TJP1: variants seen among roughly 807,000 people sequenced by gnomAD.
The protein encoded by TJP1 is tight junction protein 1.
A neutral mutation model predicts 194.2 loss-of-function variants in TJP1; 43 were observed. The ratio of observed to expected loss-of-function variants is 0.22; its 90% CI spans 0.17 to 0.29. The LOEUF (loss-of-function observed/expected upper bound fraction) is 0.29, where lower values mean the gene tolerates loss of function less well. Ranked by LOEUF, TJP1 falls within the 10% of genes least tolerant of loss-of-function variation. The probability of loss-of-function intolerance (pLI) is 1.00; values close to 1 mark genes in which losing one functional copy is unlikely to be tolerated. For synonymous variants in TJP1, 801 were observed against 779.0 expected (o/e 1.03, Z -0.47); for missense variants, 1,971 against 2,185.7 (o/e 0.90, Z 1.96).
intron 8 of TJP1, among the ~76,000 whole-genome samples, chr15:29,754,261 G>A (rs1454181829): frequency 1.3e-5 from 2 of 152,138 alleles, no homozygotes; most frequent in African/African-American, 2.4e-5. Flanking sequence ...CTTAGCAAAC[G>A]AATGCAGGAA....
At chr15:29,728,196 TC>T in intron 15 of TJP1, 177 bp from the exon 16 acceptor site, 1 of 446,080 alleles carries the variant, frequency 2.2e-6, no homozygotes, top group Non-Finnish European at 4.0e-6. Context: ...TTTTTTTTTT[TC>T]ACTATTTTTT....
chr15:29,790,057 A>C (rs550410873), intron 2 of TJP1, among the ~76,000 whole-genome samples: 1 of 152,316 alleles, frequency 6.6e-6, no homozygotes, highest in East Asian at 1.9e-4. Flanking sequence ...AGCAGTCAGC[A>C]CACTATGGCC....
rs149810733 is a variant in TJP1 at position 29,878,090 on chromosome 15, C to A, written c.307-77388G>T. ...TTTTTGAGACGGAGTCTTGCTCTTG[C>A]CCAGGCTGGAGTGCAGTGGTGCGAT... is the stretch of plus-strand genomic sequence containing the variant. On this transcript the variant is annotated intron_variant, in intron 2 of 28. Coordinates refer to the TJP1 transcript ENST00000356107. Among the ~76,000 whole-genome samples, 15 of 152,198 alleles carry A rather than the reference C, an allele frequency of 9.9e-5. No individual in the cohort carries two copies. The East Asian group carries it at 2.9e-3, about 29-fold the overall frequency.
chr15:29,821,339 G>A (rs1040573103), intron 1 of TJP1: 33 of 152,222 alleles, frequency 2.2e-4, no homozygotes, highest in African/African-American at 7.9e-4. Context: ...TCCATTCGTA[G>A]GAATACTTTG....
chr15:29,839,560 G>C (rs1341078027), intron 2 of TJP1, among the ~76,000 whole-genome samples: 2 of 152,102 alleles, frequency 1.3e-5, no homozygotes, highest in East Asian at 3.9e-4. Context: ...TGGGAGGATT[G>C]AGCCTAGGAG....
In TJP1 at chr15:29,761,573, G is replaced by A; in HGVS notation, c.862+28C>T. On this transcript the variant is annotated intron_variant, in intron 7 of 27. Coordinates refer to ENST00000614355, the MANE Select transcript of TJP1 (RefSeq NM_001330239.4). ...ATTTTAAGAAAATAGGTCACTTAGAGGGAACGTTCAAACAGAATCACACTC... is the reference window on the plus strand; with the variant it reads ...ATTTTAAGAAAATAGGTCACTTAGAAGGAACGTTCAAACAGAATCACACTC... 3 of 1,571,048 alleles carry A rather than the reference G, an allele frequency of 1.9e-6. No homozygotes were observed. The South Asian group carries it at 3.6e-5, about 19-fold the overall frequency.
At position 29,800,886 on chromosome 15, in the gene TJP1, G is replaced by A. The variant is rs549250314; in HGVS notation, c.28-184C>T. 2.6e-5 allele frequency among the ~76,000 whole-genome samples: 4 copies of A among 152,292 alleles called. No homozygotes were observed. In the East Asian group the frequency reaches 5.8e-4, roughly 22 times the overall value. On this transcript the variant is annotated intron_variant, in intron 1 of 27. Coordinates refer to ENST00000614355, the MANE Select transcript of TJP1 (RefSeq NM_001330239.4). ...TGTTTGCTTTTAAGAGACAGGAAAC[G>A]ACACACAGGAACTTCCTTTGTTTTT...
At chr15:29,826,339 A>G (rs1401630900), upstream of TJP1, among the ~76,000 whole-genome samples, 3 of 152,064 alleles carry the variant, frequency 2.0e-5, no homozygotes, top group Non-Finnish European at 4.4e-5. Flanking sequence ...CCATAAATCC[A>G]TGACTGGAAT....
At chr15:29,921,151 A>G (rs1038948298) in intron 2 of TJP1, among the ~76,000 whole-genome samples, 4 of 152,166 alleles carry the variant, frequency 2.6e-5, no homozygotes, top group African/African-American at 9.7e-5. Flanking sequence ...ATCCTGGATT[A>G]TTTCAATATC....
chr15:29,799,003 C>T (rs757410665), intron 2 of TJP1, among the ~76,000 whole-genome samples: 1 of 152,002 alleles, frequency 6.6e-6, no homozygotes, highest in Admixed American at 6.6e-5. Context: ...GTGAGGGGAC[C>T]GGGATGATTA....
intron 27 of TJP1, among the ~76,000 whole-genome samples, chr15:29,702,772 A>T (rs1051107733): frequency 1.6e-4 from 24 of 152,234 alleles, no homozygotes; most frequent in Non-Finnish European, 2.9e-4. Flanking sequence ...ATGTATTTAC[A>T]TGTAATTTTT....
At chr15:29,854,922 C>A (rs1051520913) in intron 2 of TJP1, among the ~76,000 whole-genome samples, 1 of 151,896 alleles carries the variant, frequency 6.6e-6, no homozygotes, top group African/African-American at 2.4e-5. Context: ...TTAGAAACAA[C>A]TAACTTTTAA....
At chr15:29,901,756 G>A (rs2053641141) in intron 2 of TJP1, among the ~76,000 whole-genome samples, 1 of 151,264 alleles carries the variant, frequency 6.6e-6, no homozygotes, top group African/African-American at 2.4e-5. Context: ...GGGAGGTGAA[G>A]GATGCAGTGA....
chr15:29,900,428 T>C (rs1278046165), intron 2 of TJP1, among the ~76,000 whole-genome samples: 1 of 152,148 alleles, frequency 6.6e-6, no homozygotes, highest in Non-Finnish European at 1.5e-5. Flanking sequence ...ACAGGGCAAG[T>C]GTCACAGCAG....
At chr15:29,751,570 GC>G (rs1345668853) in intron 8 of TJP1, among the ~76,000 whole-genome samples, 1 of 152,208 alleles carries the variant, frequency 6.6e-6, no homozygotes, top group African/African-American at 2.4e-5. Context: ...ACTGAGGAAA[GC>G]CCAAGAGGAC....
At chr15:29,704,050 C>T (rs1264887707) in intron 27 of TJP1, 112 bp downstream of exon 27, 1 of 1,191,444 alleles carries the variant, frequency 8.4e-7, no homozygotes. Flanking sequence ...TACAAGGCCA[C>T]AGGAACAGAG....
chr15:29,924,102 CT>C (rs1225947794), intron 2 of TJP1, among the ~76,000 whole-genome samples: 12 of 152,156 alleles, frequency 7.9e-5, no homozygotes, highest in Non-Finnish European at 5.9e-5. Flanking sequence ...AATACAAAAA[CT>C]AAATCTGTCA....
intron 2 of TJP1, among the ~76,000 whole-genome samples, chr15:29,930,513 C>T (rs2054672464): frequency 6.6e-6 from 1 of 152,196 alleles, no homozygotes. Context: ...GAAAATCACT[C>T]TTTAAAATTC....
intron 1 of TJP1, among the ~76,000 whole-genome samples, chr15:29,809,768 C>T (rs937452566): frequency 1.3e-5 from 2 of 151,930 alleles, no homozygotes; most frequent in Non-Finnish European, 2.9e-5. Context: ...ATCCCTTGAA[C>T]CAGGGAGGCA....
Sources: gnomAD v4.1 joint callset for allele counts (sites outside exome capture counted in the v4.1 genomes callset) on GRCh38, gnomAD v4.1.1 for gene constraint, MANE v1.5 for transcripts, NCBI Gene and HGNC (gene_info 2026-07-23, HGNC 2026-07-21) for gene names.